ADAM12: variants seen among roughly 807,000 people sequenced by gnomAD.
ADAM12 encodes ADAM metallopeptidase domain 12, also known as disintegrin and metalloproteinase domain-containing protein 12.
ADAM12 carries 70 observed loss-of-function variants against 106.4 expected under a neutral mutation model. That is an observed-to-expected ratio of 0.66 (90% CI 0.54 to 0.80). The LOEUF (loss-of-function observed/expected upper bound fraction) is 0.80. Ranked by LOEUF, ADAM12 falls within the 30% of genes least tolerant of loss-of-function variation. The probability of loss-of-function intolerance (pLI) is 0.00; values close to 1 mark genes in which losing one functional copy is unlikely to be tolerated. For synonymous variants in ADAM12, 420 were observed against 433.5 expected, an observed-to-expected ratio of 0.97 and a Z score of 0.39; for missense variants, 1,010 against 1,171.9, an observed-to-expected ratio of 0.86 and a Z score of 2.02.
chr10:126,063,307 G>T (rs1430720414), intron 14 of ADAM12, among the ~76,000 whole-genome samples: 1 of 152,190 alleles, frequency 6.6e-6, no homozygotes, highest in East Asian at 1.9e-4. Flanking sequence ...AAAGCTCCAA[G>T]TACAGAGGAC....
At chr10:126,143,001 T>C (rs1190695449) in intron 4 of ADAM12, among the ~76,000 whole-genome samples, 2 of 151,816 alleles carry the variant, frequency 1.3e-5, no homozygotes, top group Non-Finnish European at 2.9e-5. Context: ...TGTGTGTATA[T>C]TGGTGTGCAT....
At chr10:126,323,800 C>A (rs537671299) in intron 2 of ADAM12, among the ~76,000 whole-genome samples, 1 of 152,192 alleles carries the variant, frequency 6.6e-6, no homozygotes, top group Non-Finnish European at 1.5e-5. Context: ...GAGGCACAGT[C>A]CAAATTAATC....
At chr10:126,335,598 A>G (rs150314932) in intron 1 of ADAM12, among the ~76,000 whole-genome samples, 23 of 152,300 alleles carry the variant, frequency 1.5e-4, no homozygotes, top group Non-Finnish European at 2.6e-4. Context: ...CACATTTTCA[A>G]TCTTAACCAA....
chr10:126,121,552 A>C (rs1956116730), intron 5 of ADAM12, among the ~76,000 whole-genome samples: 1 of 145,940 alleles, frequency 6.9e-6, no homozygotes, highest in African/African-American at 2.5e-5. Context: ...ATAATCTTAT[A>C]TAATAATTAG....
At chr10:126,246,767 C>T (rs1363744239) in intron 3 of ADAM12, among the ~76,000 whole-genome samples, 2 of 152,190 alleles carry the variant, frequency 1.3e-5, no homozygotes, top group African/African-American at 4.8e-5. Context: ...GACAAACCCA[C>T]AGCCAACATA....
intron 1 of ADAM12, among the ~76,000 whole-genome samples, chr10:126,361,332 A>C (rs1452285506): frequency 6.6e-6 from 1 of 152,246 alleles, no homozygotes; most frequent in East Asian, 1.9e-4. Context: ...GATTGAAAGA[A>C]TGAGTATTGT....
At chr10:126,357,997 G>A (rs1855600673) in intron 1 of ADAM12, among the ~76,000 whole-genome samples, 2 of 152,106 alleles carry the variant, frequency 1.3e-5, no homozygotes, top group Admixed American at 1.3e-4. Flanking sequence ...TTACCCTGAT[G>A]CCAAAGGCAG....
At chr10:126,381,133 G>T (rs772980813) in intron 1 of ADAM12, among the ~76,000 whole-genome samples, 2 of 152,174 alleles carry the variant, frequency 1.3e-5, no homozygotes, top group African/African-American at 4.8e-5. Flanking sequence ...ATTTTGAAAA[G>T]AAAGTTTTGA....
chr10:126,049,706 A>T lies in ADAM12; in HGVS notation c.1610-37T>A. On this transcript the variant is annotated intron_variant, in intron 14 of 22. Coordinates refer to ENST00000448723, the MANE Select transcript of ADAM12 (RefSeq NM_001288973.2). The surrounding 1 kb of genome is among the most constrained non-coding windows in gnomAD (Gnocchi z 4.4). ...GCAGAACTGCATTTTCATCTCCTGC[A>T]GGTGATTTTTTTTTTTTCATGGCTG... 1 of 1,571,530 alleles carries T rather than the reference A, an allele frequency of 6.4e-7. No individual in the cohort carries two copies. The highest frequency in any genetic ancestry group is 2.2e-5 in the East Asian group (1 of 44,690).
At chr10:126,285,273 T>A (rs2133767276) in intron 2 of ADAM12, among the ~76,000 whole-genome samples, 1 of 152,346 alleles carries the variant, frequency 6.6e-6, no homozygotes, top group East Asian at 1.9e-4. Flanking sequence ...AAAAAAGTCA[T>A]GGCAAAGTTC....
intron 3 of ADAM12, among the ~76,000 whole-genome samples, chr10:126,264,027 A>C (rs952247527): frequency 3.3e-5 from 5 of 152,248 alleles, no homozygotes; most frequent in African/African-American, 1.2e-4. Flanking sequence ...ATTTTTAGTA[A>C]GTTTTTAATG....
At chr10:126,316,783 C>CAAAAAAAAAAAA (rs376131530) in intron 2 of ADAM12, among the ~76,000 whole-genome samples, 1 of 82,764 alleles carries the variant, frequency 1.2e-5, no homozygotes. Flanking sequence ...GACCCTATCT[C>CAAAAAAAAAAAA]AAAAAAAAAA....
rs1292708354 is a variant in ADAM12, at chr10:126,012,501, G to A, written c.*4778C>T. 1 of 152,204 alleles carries A rather than the reference G, an allele frequency of 6.6e-6. No homozygotes were observed. The highest frequency in any genetic ancestry group is 1.5e-5 in the Non-Finnish European group (1 of 68,034). 9.4% of individuals were successfully genotyped at this position (152,204 alleles called of 1,614,324 possible). ...CCCAATATGAGAAATGTGTACAAAAGCAACAGACTGTGATAGAAAAAGGTA... is the reference window on the plus strand; with the variant it reads ...CCCAATATGAGAAATGTGTACAAAAACAACAGACTGTGATAGAAAAAGGTA... On this transcript the variant is annotated 3_prime_UTR_variant, in exon 23 of 23. Coordinates refer to ENST00000448723, the MANE Select transcript of ADAM12 (RefSeq NM_001288973.2).
At chr10:126,351,829 A>T (rs1363765472) in intron 1 of ADAM12, among the ~76,000 whole-genome samples, 2 of 152,156 alleles carry the variant, frequency 1.3e-5, no homozygotes, top group Non-Finnish European at 2.9e-5. Flanking sequence ...AGTTGGCTTC[A>T]GGGGTTATTT....
At chr10:126,294,884 A>G (rs938935614) in intron 2 of ADAM12, among the ~76,000 whole-genome samples, 4 of 147,716 alleles carry the variant, frequency 2.7e-5, no homozygotes, top group African/African-American at 9.9e-5. Context: ...TTGTATAAAC[A>G]AAATTGTGTG....
At chr10:126,237,944 ACC>A (rs1565158748) in intron 3 of ADAM12, among the ~76,000 whole-genome samples, 1 of 152,164 alleles carries the variant, frequency 6.6e-6, no homozygotes, top group Non-Finnish European at 1.5e-5. Flanking sequence ...GGAGTGACAC[ACC>A]GTTTGTTGAA....
chr10:126,269,636 C>T (rs1369401486), intron 3 of ADAM12, among the ~76,000 whole-genome samples: 1 of 152,106 alleles, frequency 6.6e-6, no homozygotes, highest in African/African-American at 2.4e-5. Flanking sequence ...CTGGGAAGAG[C>T]CAGGACAGCC....
intron 3 of ADAM12, among the ~76,000 whole-genome samples, chr10:126,221,576 C>T (rs1435716261): frequency 6.6e-6 from 1 of 152,004 alleles, no homozygotes; most frequent in Non-Finnish European, 1.5e-5. Flanking sequence ...AACATGTGGA[C>T]AAGGTTAAAA....
At chr10:126,217,937 T>C (rs1313349264) in intron 3 of ADAM12, among the ~76,000 whole-genome samples, 2 of 150,146 alleles carry the variant, frequency 1.3e-5, no homozygotes, top group Admixed American at 1.3e-4. Context: ...ATCACGTCAC[T>C]GCACTCCAGC....
Sources: allele counts gnomAD v4.1 joint callset (sites outside exome capture counted in the v4.1 genomes callset), GRCh38; gene constraint gnomAD v4.1.1; non-coding constraint Gnocchi (gnomAD v3.1); transcripts MANE v1.5; gene names NCBI Gene and HGNC (gene_info 2026-07-23, HGNC 2026-07-21).